Variants in DNER observed in about 807,000 individuals in gnomAD.
The protein encoded by DNER is delta and Notch-like epidermal growth factor-related receptor.
In DNER, 33 loss-of-function variants were observed where a neutral mutation model predicts 78.2. The ratio of observed to expected loss-of-function variants is 0.42; its 90% CI spans 0.32 to 0.56. The LOEUF (loss-of-function observed/expected upper bound fraction) is 0.56, where lower values mean the gene tolerates loss of function less well. DNER is among the 20% of genes least tolerant of loss of function. DNER has a pLI of 0.11. For synonymous variants in DNER, 417 were observed against 384.8 expected (o/e 1.08, Z -0.98); for missense variants, 918 against 975.3 (o/e 0.94, Z 0.78).
At chr2:229,713,914 C>A (rs1375338444) in intron 1 of DNER, among the ~76,000 whole-genome samples, 2 of 152,244 alleles carry the variant, frequency 1.3e-5, no homozygotes, top group East Asian at 1.9e-4. Flanking sequence ...AGCCCCGGAG[C>A]GGCACACCCC....
At chr2:229,608,194 G>A (rs16826262) in intron 1 of DNER, among the ~76,000 whole-genome samples, 76,875 of 151,798 alleles carry the variant, frequency 0.51, 19,973 homozygotes, top group Non-Finnish European at 0.59. Context: ...TTAAAAATAC[G>A]ACCTCAAAAC....
At chr2:229,505,364 A>G (rs1215290542) in intron 6 of DNER, among the ~76,000 whole-genome samples, 5 of 152,196 alleles carry the variant, frequency 3.3e-5, no homozygotes, top group Non-Finnish European at 7.3e-5. Context: ...CAGATAGATG[A>G]GCAAAGAGGG....
intron 4 of DNER, among the ~76,000 whole-genome samples, chr2:229,572,525 G>T (rs6759455): frequency 0.85 from 129,002 of 151,934 alleles, 55,414 homozygotes; most frequent in Non-Finnish European, 0.92. Context: ...ATCCAAGTAA[G>T]GAAGGAAATA....
intron 11 of DNER, among the ~76,000 whole-genome samples, chr2:229,372,119 G>A (rs1345388165): frequency 6.6e-6 from 1 of 152,232 alleles, no homozygotes; most frequent in Non-Finnish European, 1.5e-5. Flanking sequence ...CATTAATTAA[G>A]GACCTACTAT....
At chr2:229,513,162 G>C (rs973366284) in intron 5 of DNER, among the ~76,000 whole-genome samples, 1 of 151,980 alleles carries the variant, frequency 6.6e-6, no homozygotes, top group Admixed American at 6.6e-5. Flanking sequence ...ATTTATCCCC[G>C]TCATTTTCGA....
chr2:229,443,704 C>T (rs560565907), intron 8 of DNER, among the ~76,000 whole-genome samples: 7 of 152,254 alleles, frequency 4.6e-5, no homozygotes, highest in Non-Finnish European at 8.8e-5. Flanking sequence ...AAATGAGATC[C>T]GTTTGCTCTC....
At chr2:229,454,753 A>G (rs1385052467) in intron 7 of DNER, among the ~76,000 whole-genome samples, 2 of 152,130 alleles carry the variant, frequency 1.3e-5, no homozygotes, top group Non-Finnish European at 2.9e-5. Context: ...GCTTTTTCTT[A>G]CCAATTCAAG....
Position 229,588,807 on chromosome 2 carries a change from T to C in DNER, c.586-319A>G, listed in dbSNP as rs1209535417. Among the ~76,000 whole-genome samples, 4 of 152,200 alleles carry C rather than the reference T, an allele frequency of 2.6e-5. No individual in the cohort carries two copies. In the East Asian group the frequency reaches 7.7e-4, roughly 29 times the overall value. On this transcript the variant is annotated intron_variant, in intron 2 of 12. Coordinates refer to ENST00000341772, the MANE Select transcript of DNER (RefSeq NM_139072.4). ...TTTCCATTCATTTAACAAGCAGTCATTGACCCCTGCACTATGCTTAACCTG... is the reference window on the plus strand; with the variant it reads ...TTTCCATTCATTTAACAAGCAGTCACTGACCCCTGCACTATGCTTAACCTG...
At chr2:229,553,862 C>T (rs1696796051) in intron 4 of DNER, among the ~76,000 whole-genome samples, 1 of 152,198 alleles carries the variant, frequency 6.6e-6, no homozygotes, top group Admixed American at 6.5e-5. Flanking sequence ...AACATTTACC[C>T]TGATTCTCCT....
intron 1 of DNER, among the ~76,000 whole-genome samples, chr2:229,619,608 CAG>C (rs1344686166): frequency 6.6e-6 from 1 of 152,110 alleles, no homozygotes; most frequent in African/African-American, 2.4e-5. Flanking sequence ...TCAGTTACAA[CAG>C]AGAGGGTAAA....
intron 1 of DNER, among the ~76,000 whole-genome samples, chr2:229,652,140 C>T (rs1264779239): frequency 6.6e-6 from 1 of 152,090 alleles, no homozygotes; most frequent in Non-Finnish European, 1.5e-5. Flanking sequence ...AGCCCTGCCC[C>T]CTGCAGTCAA....
intron 1 of DNER, among the ~76,000 whole-genome samples, chr2:229,629,378 CTT>C (rs1388968316): frequency 3.3e-5 from 5 of 152,178 alleles, no homozygotes; most frequent in Non-Finnish European, 7.4e-5. Context: ...ATATAGGTCT[CTT>C]TACATTTTAC....
chr2:229,449,040 G>C (rs1694398113), intron 7 of DNER, among the ~76,000 whole-genome samples: 1 of 152,228 alleles, frequency 6.6e-6, no homozygotes, highest in Non-Finnish European at 1.5e-5. Flanking sequence ...GTGCAGTATA[G>C]AAATATAAAA....
At chr2:229,661,745 G>A (rs576549337) in intron 1 of DNER, among the ~76,000 whole-genome samples, 30 of 152,278 alleles carry the variant, frequency 2.0e-4, no homozygotes, top group Admixed American at 7.9e-4. Context: ...ATGAACTCGC[G>A]GGAGTGGAAA....
Position 229,512,686 on chromosome 2 carries a change from T to G in DNER, c.1147+97A>C, listed in dbSNP as rs1695888723. The G allele has an allele frequency of 9.3e-6, 14 of 1,507,024 alleles. No individual in the cohort carries two copies. In the South Asian group the frequency reaches 1.7e-4, roughly 18 times the overall value. 93.4% of individuals were successfully genotyped at this position (1,507,024 alleles called of 1,614,324 possible). A position where few individuals can be genotyped will look rare whatever the true frequency, so the allele number is the denominator to read the frequency against. On this transcript the variant is annotated intron_variant, in intron 6 of 12. Coordinates refer to ENST00000341772, the MANE Select transcript of DNER (RefSeq NM_139072.4). ...AAAAGAACTTACTCATGTAACCAAG[T>G]ACCACCTGTTCTCCAAAAACCTTTG... is the stretch of plus-strand genomic sequence containing the variant.
intron 4 of DNER, among the ~76,000 whole-genome samples, chr2:229,562,974 C>A (rs1330724028): frequency 1.3e-5 from 2 of 151,600 alleles, no homozygotes; most frequent in African/African-American, 4.9e-5. Context: ...TCATCATCAT[C>A]CTCACCCCAT....
chr2:229,712,447 C>T (rs1422315919), intron 1 of DNER, among the ~76,000 whole-genome samples: 1 of 152,164 alleles, frequency 6.6e-6, no homozygotes, highest in East Asian at 1.9e-4. Context: ...TCATGTAAAT[C>T]GATGGGCACT....
chr2:229,370,739 T>A (rs893313656), intron 11 of DNER, among the ~76,000 whole-genome samples: 4 of 152,184 alleles, frequency 2.6e-5, no homozygotes, highest in African/African-American at 9.7e-5. Context: ...CCATTTAGCA[T>A]CAACACAAGG....
chr2:229,433,407 T>G (rs1388960200), intron 8 of DNER, among the ~76,000 whole-genome samples: 1 of 152,030 alleles, frequency 6.6e-6, no homozygotes, highest in African/African-American at 2.4e-5. Context: ...GAAGCTACCC[T>G]CCTCTCGAGG....
Sources: allele counts gnomAD v4.1 joint callset (sites outside exome capture counted in the v4.1 genomes callset), GRCh38; gene constraint gnomAD v4.1.1; transcripts MANE v1.5; gene names NCBI Gene and HGNC (gene_info 2026-07-23, HGNC 2026-07-21).